NRG1: variants seen among roughly 807,000 people sequenced by gnomAD.
NRG1 encodes pro-neuregulin-1, membrane-bound isoform.
A neutral mutation model predicts 63.8 loss-of-function variants in NRG1; 18 were observed. That is an observed-to-expected ratio of 0.28 (90% CI 0.19 to 0.42). The LOEUF (loss-of-function observed/expected upper bound fraction) is 0.42. Ranked by LOEUF, NRG1 falls within the 10% of genes least tolerant of loss-of-function variation. The probability of loss-of-function intolerance (pLI) is 1.00; values close to 1 mark genes in which losing one functional copy is unlikely to be tolerated. For missense variants in NRG1, 762 were observed against 814.7 expected (o/e 0.94, Z 0.79); for synonymous variants, 302 against 301.3 (o/e 1.00, Z -0.02).
intron 1 of NRG1, among the ~76,000 whole-genome samples, chr8:32,573,850 T>C (rs893886641): frequency 6.6e-6 from 1 of 152,078 alleles, no homozygotes; most frequent in Non-Finnish European, 1.5e-5. Flanking sequence ...CCCCTTCCTG[T>C]GCCCATGTGT....
chr8:32,566,593 G>C (rs1318534227), intron 1 of NRG1, among the ~76,000 whole-genome samples: 1 of 152,074 alleles, frequency 6.6e-6, no homozygotes, highest in Non-Finnish European at 1.5e-5. Flanking sequence ...TCTAAGGTTT[G>C]AGATTTGCCT....
intron 1 of NRG1, among the ~76,000 whole-genome samples, chr8:32,218,477 G>C (rs1456843203): frequency 6.6e-6 from 1 of 152,172 alleles, no homozygotes; most frequent in African/African-American, 2.4e-5. Context: ...CTCAATTAAA[G>C]TCTGATAATT....
chr8:32,401,979 T>C (rs1307743763), intron 1 of NRG1, among the ~76,000 whole-genome samples: 7 of 152,100 alleles, frequency 4.6e-5, no homozygotes, highest in Non-Finnish European at 1.0e-4. Context: ...GGCGCGATCT[T>C]GGTTCACTGC....
At chr8:32,258,492 T>G (rs147195462) in intron 1 of NRG1, among the ~76,000 whole-genome samples, 1 of 152,272 alleles carries the variant, frequency 6.6e-6, no homozygotes, top group East Asian at 1.9e-4. Context: ...AAGAACTTCC[T>G]AAGACTGGGT....
intron 1 of NRG1, among the ~76,000 whole-genome samples, chr8:32,096,951 T>C (rs1587115811): frequency 6.6e-6 from 1 of 151,708 alleles, no homozygotes; most frequent in Non-Finnish European, 1.5e-5. Flanking sequence ...TTATTCCTTC[T>C]ATCTAACTGT....
intron 1 of NRG1, among the ~76,000 whole-genome samples, chr8:32,427,468 C>T (rs938190532): frequency 2.6e-5 from 4 of 152,114 alleles, no homozygotes; most frequent in South Asian, 4.1e-4. Flanking sequence ...CAGTGGCCAA[C>T]AAGCAGATTT....
chr8:32,537,339 A>C (rs1183274918), intron 1 of NRG1, among the ~76,000 whole-genome samples: 1 of 152,110 alleles, frequency 6.6e-6, no homozygotes, highest in Non-Finnish European at 1.5e-5. Flanking sequence ...ATCCTACAGA[A>C]ATCCAGAAAG....
At chr8:31,863,289 T>C (rs775618196) in intron 1 of NRG1, among the ~76,000 whole-genome samples, 22 of 152,224 alleles carry the variant, frequency 1.4e-4, no homozygotes, top group Non-Finnish European at 2.8e-4. Context: ...TATTGGCAAG[T>C]ACCTTTTCAT....
chr8:32,092,324 G>A (rs1283259237), intron 1 of NRG1, among the ~76,000 whole-genome samples: 1 of 151,814 alleles, frequency 6.6e-6, no homozygotes, highest in Non-Finnish European at 1.5e-5. Flanking sequence ...GGGCCTGGTG[G>A]TGTGTGCTTG....
chr8:32,286,070 A>C (rs1379460634), intron 1 of NRG1, among the ~76,000 whole-genome samples: 3 of 152,116 alleles, frequency 2.0e-5, no homozygotes, highest in Non-Finnish European at 4.4e-5. Context: ...CCCATCAGTA[A>C]TTTTTAAAGA....
At chr8:32,709,914 T>A (rs966710384) in intron 5 of NRG1, among the ~76,000 whole-genome samples, 2 of 152,196 alleles carry the variant, frequency 1.3e-5, no homozygotes, top group Admixed American at 6.5e-5. Flanking sequence ...TCTTCCAATT[T>A]TGCAGTTATT....
chr8:32,283,839 G>T (rs1853180845), intron 1 of NRG1, among the ~76,000 whole-genome samples: 1 of 152,094 alleles, frequency 6.6e-6, no homozygotes, highest in Admixed American at 6.5e-5. Flanking sequence ...AAATTAATCA[G>T]GCTCTGTTGA....
chr8:32,130,082 A>G lies in NRG1; in HGVS notation c.38-465746A>G, dbSNP rs565478911. Among the ~76,000 whole-genome samples the G allele has an allele frequency of 2.0e-5, 3 of 151,920 alleles. No homozygotes were observed. In the South Asian group the frequency reaches 6.2e-4, roughly 32 times the overall value. On this transcript the variant is annotated intron_variant, in intron 1 of 10. Transcript: ENST00000519301. ...GTTGCCATTGAAAGACGGCAGTTTA[A>G]CGTCATCGTTTATTCAGATTTCCAA...
intron 5 of NRG1, among the ~76,000 whole-genome samples, chr8:32,709,310 G>A (rs1377887884): frequency 1.3e-5 from 2 of 152,116 alleles, no homozygotes; most frequent in African/African-American, 4.8e-5. Context: ...TATCACCGAA[G>A]TAAATAGAAA....
At chr8:32,566,286 G>T (rs1837428143) in intron 1 of NRG1, among the ~76,000 whole-genome samples, 1 of 146,368 alleles carries the variant, frequency 6.8e-6, no homozygotes, top group African/African-American at 2.5e-5. Context: ...GAACCTGGGA[G>T]GGGGAGGTTG....
intron 1 of NRG1, among the ~76,000 whole-genome samples, chr8:31,849,601 T>G (rs571400269): frequency 5.1e-4 from 77 of 152,342 alleles, no homozygotes; most frequent in African/African-American, 1.7e-3. Flanking sequence ...TTGTCTCTCA[T>G]TTCACCCTTA....
intron 6 of NRG1, chr8:32,728,565 C>G: frequency 1.0e-6 from 1 of 984,972 alleles, no homozygotes; most frequent in Non-Finnish European, 1.2e-6. Flanking sequence ...TTGGGATTGT[C>G]TTACTGTTGC....
intron 1 of NRG1, among the ~76,000 whole-genome samples, chr8:32,508,734 TTTTGTTTG>T (rs951604975): frequency 2.6e-5 from 4 of 152,096 alleles, no homozygotes; most frequent in Non-Finnish European, 5.9e-5. Context: ...TGTTTTGGTT[TTTTGTTTG>T]TTTGTTTGTG....
At chr8:31,866,155 C>T (rs1424984495) in intron 1 of NRG1, among the ~76,000 whole-genome samples, 1 of 152,136 alleles carries the variant, frequency 6.6e-6, no homozygotes, top group Non-Finnish European at 1.5e-5. Flanking sequence ...AACTCTAGTT[C>T]TATAGGCAAC....
Sources: allele counts gnomAD v4.1 joint callset (sites outside exome capture counted in the v4.1 genomes callset), GRCh38; gene constraint gnomAD v4.1.1; transcripts MANE v1.5; gene names NCBI Gene and HGNC (gene_info 2026-07-23, HGNC 2026-07-21).